FBXL20: variants seen among roughly 807,000 people sequenced by gnomAD.
The protein encoded by FBXL20 is F-box/LRR-repeat protein 20.
FBXL20 carries 11 observed loss-of-function variants against 64.0 expected under a neutral mutation model. The ratio of observed to expected loss-of-function variants is 0.17; its 90% confidence interval spans 0.11 to 0.28. The LOEUF (loss-of-function observed/expected upper bound fraction) is 0.28. FBXL20 is among the 10% of genes least tolerant of loss of function. FBXL20 has a pLI of 1.00. For synonymous variants in FBXL20, 184 were observed against 189.0 expected (o/e 0.97, Z 0.22); for missense variants, 303 against 526.2 (o/e 0.58, Z 4.15).
chr17:39,330,711 G>A (rs1468471709), intron 2 of FBXL20, among the ~76,000 whole-genome samples: 1 of 152,160 alleles, frequency 6.6e-6, no homozygotes, highest in Non-Finnish European at 1.5e-5. Context: ...CTCCCTGAGA[G>A]ACTAAAACAT....
chr17:39,365,457 A>G (rs2047850204), intron 1 of FBXL20, among the ~76,000 whole-genome samples: 1 of 152,204 alleles, frequency 6.6e-6, no homozygotes, highest in South Asian at 2.1e-4. Context: ...AGAAATCACT[A>G]GATAAAAACA....
At position 39,288,537 on chromosome 17, in the gene FBXL20, C is replaced by T. The variant is rs542987679; in HGVS notation, c.399-2964G>A. Among the ~76,000 whole-genome samples the T allele has an allele frequency of 5.9e-5, 9 of 152,060 alleles. No individual in the cohort carries two copies. In the East Asian group the frequency reaches 1.7e-3, roughly 29 times the overall value. On this transcript the variant is annotated intron_variant, in intron 6 of 14. Transcript: ENST00000264658. ...AGAAACACCAGTCAGGCTAGATTTG[C>T]TCTTCTGGGCTTAAGTGATCCTCCT...
At chr17:39,306,598 C>T (rs1176535091) in intron 2 of FBXL20, among the ~76,000 whole-genome samples, 8 of 152,180 alleles carry the variant, frequency 5.3e-5, no homozygotes, top group Non-Finnish European at 2.9e-5. Context: ...GCTCTCTATT[C>T]TATTCCATTG....
rs72823400 is a variant in FBXL20 at position 39,285,291 on chromosome 17, C to G, written c.494+187G>C. The stretch of plus-strand genomic sequence containing the variant: ...CCCTGTTCAGAAATCCTAGTTACCT[C>G]TAGTCATTTCACTTTAGTATGTCCC... On this transcript the variant is annotated intron_variant, in intron 7 of 14. Coordinates refer to ENST00000264658, the MANE Select transcript of FBXL20 (RefSeq NM_032875.3). 6.2e-3 allele frequency among the ~76,000 whole-genome samples: 948 copies of G among 152,020 alleles called. 5 individuals carry two copies. Among genetic ancestry groups the G allele is most frequent in the Non-Finnish European group, 9.8e-3 (667 of 68,030 alleles).
At chr17:39,305,648 G>C (rs1387677481) in intron 2 of FBXL20, among the ~76,000 whole-genome samples, 1 of 152,134 alleles carries the variant, frequency 6.6e-6, no homozygotes, top group Non-Finnish European at 1.5e-5. Flanking sequence ...CCAAGAGTTT[G>C]AGAACAGCCT....
At chr17:39,326,296 C>T (rs989664975) in intron 2 of FBXL20, among the ~76,000 whole-genome samples, 1 of 151,584 alleles carries the variant, frequency 6.6e-6, no homozygotes, top group African/African-American at 2.4e-5. Context: ...AAACTGAATA[C>T]GAAAATAAAT....
intron 1 of FBXL20, among the ~76,000 whole-genome samples, chr17:39,365,365 T>C (rs1219733811): frequency 1.3e-5 from 2 of 152,208 alleles, no homozygotes; most frequent in Non-Finnish European, 2.9e-5. Flanking sequence ...CAACATCTTG[T>C]CCCTAGCAGA....
chr17:39,295,806 T>TATATATATATATATA (rs202244214), intron 6 of FBXL20, among the ~76,000 whole-genome samples: 12 of 149,356 alleles, frequency 8.0e-5, no homozygotes, highest in African/African-American at 1.5e-4. Flanking sequence ...TATATATATA[T>TATATATATATATATA]TAAGTCTTCT....
intron 1 of FBXL20, among the ~76,000 whole-genome samples, chr17:39,375,636 A>G (rs984507568): frequency 6.6e-6 from 1 of 152,206 alleles, no homozygotes; most frequent in African/African-American, 2.4e-5. Context: ...TAATACTTAT[A>G]TGTACCCCAC....
chr17:39,396,124 G>A (rs977649859), intron 1 of FBXL20, among the ~76,000 whole-genome samples: 4 of 149,388 alleles, frequency 2.7e-5, no homozygotes, highest in Admixed American at 2.0e-4. Context: ...TTCTGAGACT[G>A]AGCCTACAAA....
intron 1 of FBXL20, among the ~76,000 whole-genome samples, chr17:39,349,771 C>T (rs565611854): frequency 1.3e-5 from 2 of 152,094 alleles, no homozygotes; most frequent in South Asian, 4.2e-4. Context: ...CCCATCTCTA[C>T]TAAAAATACA....
Position 39,327,874 on chromosome 17 carries a change from A to G in FBXL20, c.104+15306T>C, listed in dbSNP as rs1158568938. Among the ~76,000 whole-genome samples, 7 of 151,934 alleles carry G rather than the reference A, an allele frequency of 4.6e-5. No individual in the cohort carries two copies. In the South Asian group the frequency reaches 1.2e-3, roughly 27 times the overall value. On this transcript the variant is annotated intron_variant, in intron 2 of 14. Transcript: ENST00000264658. ...TGCCACCACGCCCGGGTAACCAAAC[A>G]TGTATTTCTTAGCTCTGTCTTATGA... is the stretch of plus-strand genomic sequence containing the variant.
At chr17:39,283,596 G>A (rs565775234) in intron 7 of FBXL20, among the ~76,000 whole-genome samples, 8 of 152,100 alleles carry the variant, frequency 5.3e-5, no homozygotes, top group Non-Finnish European at 4.4e-5. Flanking sequence ...TTTTTGAAAC[G>A]GGGATATTCA....
intron 2 of FBXL20, among the ~76,000 whole-genome samples, chr17:39,321,109 TAAG>T (rs935532879): frequency 4.0e-4 from 61 of 152,210 alleles, no homozygotes; most frequent in African/African-American, 1.4e-3. Context: ...AGTGAAAACT[TAAG>T]AATACTCCCA....
intron 10 of FBXL20, among the ~76,000 whole-genome samples, chr17:39,273,476 C>T (rs2046864526): frequency 6.6e-6 from 1 of 152,148 alleles, no homozygotes; most frequent in South Asian, 2.1e-4. Context: ...CACTAACTAG[C>T]TGAGACCTTG....
At chr17:39,306,203 T>C (rs1285303884) in intron 2 of FBXL20, among the ~76,000 whole-genome samples, 1 of 146,358 alleles carries the variant, frequency 6.8e-6, no homozygotes, top group Non-Finnish European at 1.5e-5. Flanking sequence ...CAGGCTGGAG[T>C]GCAGTGGCAC....
At chr17:39,285,356 T>C (rs569640393) in intron 7 of FBXL20, 122 bp downstream of exon 7, 52 of 571,858 alleles carry the variant, frequency 9.1e-5, no homozygotes, top group Admixed American at 2.7e-4. Context: ...AAATTATCTA[T>C]TCTGAACTAT....
chr17:39,307,353 G>A (rs1467261791), intron 2 of FBXL20, among the ~76,000 whole-genome samples: 4 of 152,286 alleles, frequency 2.6e-5, no homozygotes, highest in African/African-American at 9.6e-5. Context: ...GCCTCCCCTA[G>A]GAGTAGGTAT....
chr17:39,396,666 G>A (rs1306891980), intron 1 of FBXL20, among the ~76,000 whole-genome samples: 1 of 150,482 alleles, frequency 6.6e-6, no homozygotes, highest in African/African-American at 2.4e-5. Context: ...AGATTAATAT[G>A]CAGGTCTTGC....
Sources: gnomAD v4.1 joint callset for allele counts (sites outside exome capture counted in the v4.1 genomes callset) on GRCh38, gnomAD v4.1.1 for gene constraint, MANE v1.5 for transcripts, NCBI Gene and HGNC (gene_info 2026-07-23, HGNC 2026-07-21) for gene names.